EPHB3: variants seen among roughly 807,000 people sequenced by gnomAD.
The protein encoded by EPHB3 is EPH receptor B3.
A neutral mutation model predicts 100.2 loss-of-function variants in EPHB3; 33 were observed. That is an observed-to-expected ratio of 0.33 (90% CI 0.25 to 0.44). The LOEUF is 0.44. Ranked by LOEUF, EPHB3 falls within the 20% of genes least tolerant of loss-of-function variation. The probability of loss-of-function intolerance (pLI) is 1.00; values close to 1 mark genes in which losing one functional copy is unlikely to be tolerated. For synonymous variants in EPHB3, 526 were observed against 554.7 expected, an observed-to-expected ratio of 0.95 and a Z score of 0.73; for missense variants, 1,045 against 1,378.3, an observed-to-expected ratio of 0.76 and a Z score of 3.83.
intron 1 of EPHB3, among the ~76,000 whole-genome samples, chr3:184,564,371 G>A (rs915295975): frequency 3.9e-5 from 6 of 152,202 alleles, no homozygotes; most frequent in African/African-American, 9.7e-5. Flanking sequence ...GAGAATGTGA[G>A]GGAACAAATG....
At position 184,562,280 on chromosome 3, in the gene EPHB3, G is replaced by A. The variant is rs1714274795; in HGVS notation, c.45G>A (p.Gly15=). 3 of 1,217,250 alleles carry A rather than the reference G, an allele frequency of 2.5e-6. No homozygotes were observed. The highest frequency in any genetic ancestry group is 1.6e-5 in the African/African-American group (1 of 62,886). The allele number at this position is 1,217,250 out of a possible 1,614,324, so 75.4% of individuals were successfully genotyped here. Residue 15 remains glycine, a synonymous_variant, in exon 1 of 16, where the codon GGG becomes GGA. Coordinates refer to ENST00000330394, the MANE Select transcript of EPHB3 (RefSeq NM_004443.4). This position sits in a 1 kb window ranked among gnomAD's most constrained non-coding sequence, Gnocchi z 4.8. ...CGCCGCCGCCGTCGCCGCCGCCGGG[G>A]CTTCTGCCGCTGCTCCCTCCGCTGC... ...RPPPPPSPPP[G]LLPLLPPLLL...
rs1290179963 is a variant in EPHB3, at chr3:184,579,863, G to T, written c.2101G>T (p.Val701Phe). The T allele has an allele frequency of 1.9e-6, 3 of 1,613,896 alleles. No homozygotes were observed. In the South Asian group the frequency reaches 3.3e-5, roughly 18 times the overall value. Residue 701 changes from valine to phenylalanine, a missense_variant, in exon 11 of 16, where the codon GTC (valine) becomes TTC (phenylalanine). By Grantham distance (50) the Val-to-Phe change is conservative. Around this residue, in one of 2 missense-constraint regions of EPHB3, gnomAD observed 985 missense variants for 1,331.1 expected, o/e 0.74. Transcript: ENST00000330394. The surrounding 1 kb of genome is among the most constrained non-coding windows in gnomAD (Gnocchi z 5.2). ...CAATATAATCCGGCTCGAGGGCGTGGTCACCAAAAGTCGGCCAGTTATGAT... is the reference window on the plus strand; with the variant it reads ...CAATATAATCCGGCTCGAGGGCGTGTTCACCAAAAGTCGGCCAGTTATGAT... Reference protein sequence around the residue: ...HPNIIRLEGVVTKSRPVMILT... With the variant: ...HPNIIRLEGVFTKSRPVMILT...
rs1005412806 is a variant in EPHB3 at position 184,578,556 on chromosome 3, T to A, written c.1801+90T>A. The A allele has an allele frequency of 5.8e-6, 9 of 1,557,046 alleles. No homozygotes were observed. The Admixed American group carries it at 1.6e-4, about 27-fold the overall frequency. ...TCTCCCTGCCTGGGACTTCATTCCT[T>A]AGAGATAAACCCTGAATGCCCCCTC... On this transcript the variant is annotated intron_variant, in intron 9 of 15. Transcript: ENST00000330394. This position sits in a 1 kb window ranked among gnomAD's most constrained non-coding sequence, Gnocchi z 4.7.
Position 184,565,958 on chromosome 3 carries a change from T to C in EPHB3, c.118+3605T>C, listed in dbSNP as rs1383549584. On this transcript the variant is annotated intron_variant, in intron 1 of 15. Transcript: ENST00000330394. This position sits in a 1 kb window ranked among gnomAD's most constrained non-coding sequence, Gnocchi z 4.8. The stretch of plus-strand genomic sequence containing the variant: ...CATGAAGAGGCTGAATCACCAGGCC[T>C]GCATAGTTTGAAAATTGTAGCCCTG... 2.0e-5 allele frequency among the ~76,000 whole-genome samples: 3 copies of C among 152,192 alleles called. No homozygotes were observed. The highest frequency in any genetic ancestry group is 7.2e-5 in the African/African-American group (3 of 41,442).
intron 1 of EPHB3, among the ~76,000 whole-genome samples, chr3:184,570,306 G>A (rs1204849067): frequency 6.6e-6 from 1 of 152,196 alleles, no homozygotes; most frequent in Non-Finnish European, 1.5e-5. Context: ...CAGTCAGAGT[G>A]CAAGGGATTA....
rs1249495236 is a variant in EPHB3 at position 184,562,384 on chromosome 3, C to T, written c.118+31C>T. 1.7e-6 allele frequency: 2 copies of T among 1,206,676 alleles called. No homozygotes were observed. Among genetic ancestry groups the T allele is most frequent in the Non-Finnish European group, 2.1e-6 (2 of 972,866 alleles). The allele number at this position is 1,206,676 out of a possible 1,614,324, so 74.7% of individuals were successfully genotyped here. On this transcript the variant is annotated intron_variant, in intron 1 of 15. Transcript: ENST00000330394. This position sits in a 1 kb window ranked among gnomAD's most constrained non-coding sequence, Gnocchi z 4.8. ...CGGCGTCGGGGGGCGCGCCCGGGAACAAGGTGCCTGGGGTCGCGGGGCTGC... is the reference window on the plus strand; with the variant it reads ...CGGCGTCGGGGGGCGCGCCCGGGAATAAGGTGCCTGGGGTCGCGGGGCTGC...
Position 184,576,933 on chromosome 3 carries a change from G to A in EPHB3, c.1104G>A (p.Arg368=), listed in dbSNP as rs778841600. 1 of 1,602,882 alleles carries A rather than the reference G, an allele frequency of 6.2e-7. No homozygotes were observed. The highest frequency in any genetic ancestry group is 1.3e-5 in the African/African-American group (1 of 74,862). The change falls in exon 5 of 16, where the codon CGG becomes CGA. Residue 368 remains arginine (R), a synonymous_variant. Coordinates refer to ENST00000330394, the MANE Select transcript of EPHB3 (RefSeq NM_004443.4). ...GTGAGCCCCGGGACCTGGGTGGCCG[G>A]GATGACCTCCTGTACAATGTCATCT... ...EWSEPRDLGG[R]DDLLYNVICK...
rs4072651 is a variant in EPHB3 at position 184,578,133 on chromosome 3, C to T, written c.1748+127C>T. On this transcript the variant is annotated intron_variant, in intron 8 of 15. Transcript: ENST00000330394. This position sits in a 1 kb window ranked among gnomAD's most constrained non-coding sequence, Gnocchi z 4.7. ...ACCCAGGGCCTTAGCCCTCCTGGGG[C>T]CAGCCGTTGCTGGAGAAGCCCTCTC... is the stretch of plus-strand genomic sequence containing the variant. The T allele has an allele frequency of 0.32, 350,075 of 1,082,382 alleles. 59,929 individuals carry two copies. The highest frequency in any genetic ancestry group is 0.52 in the African/African-American group (32,585 of 62,824). The allele number at this position is 1,082,382 out of a possible 1,614,324, so 67.0% of individuals were successfully genotyped here. A position where few individuals can be genotyped will look rare whatever the true frequency, so the allele number is the denominator to read the frequency against.
rs1246639886 is a variant in EPHB3 at position 184,570,508 on chromosome 3, G to A, written c.119-810G>A. Among the ~76,000 whole-genome samples, 3 of 152,324 alleles carry A rather than the reference G, an allele frequency of 2.0e-5. No homozygotes were observed. In the South Asian group the frequency reaches 6.2e-4, roughly 32 times the overall value. The stretch of plus-strand genomic sequence containing the variant: ...AACTAAGAGCTGGTTTGGGGCTTTG[G>A]TGGTCCCCTCTCCACCCTCAAAGCG... On this transcript the variant is annotated intron_variant, in intron 1 of 15. Transcript: ENST00000330394.
Position 184,562,221 on chromosome 3 carries a change from A to C in EPHB3, c.-15A>C. On this transcript the variant is annotated 5_prime_UTR_variant, in exon 1 of 16. Coordinates refer to ENST00000330394, the MANE Select transcript of EPHB3 (RefSeq NM_004443.4). This position sits in a 1 kb window ranked among gnomAD's most constrained non-coding sequence, Gnocchi z 4.8. ...CCCGGCGCGGCCCGGCTCGGCTCCT[A>C]GAGCTGCCACGGCCATGGCCAGAGC... 11 of 766,672 alleles carry C rather than the reference A, an allele frequency of 1.4e-5. No homozygotes were observed. Among genetic ancestry groups the C allele is most frequent in the South Asian group, 5.9e-5 (1 of 17,030 alleles). 47.5% of individuals were successfully genotyped at this position (766,672 alleles called of 1,614,324 possible).
chr3:184,573,294 A>G lies in EPHB3; in HGVS notation c.856+118A>G. ...CTAGGAGGTCTGGGAGCAGGTCCAC[A>G]GTGGAGGCAGGAGAGGGAAGAGTGG... On this transcript the variant is annotated intron_variant, in intron 3 of 15. Coordinates refer to ENST00000330394, the MANE Select transcript of EPHB3 (RefSeq NM_004443.4). The surrounding 1 kb of genome is among the most constrained non-coding windows in gnomAD (Gnocchi z 4.5). 1.5e-6 allele frequency: 2 copies of G among 1,292,930 alleles called. No homozygotes were observed. The highest frequency in any genetic ancestry group is 2.5e-5 in the East Asian group (1 of 40,092). The allele number at this position is 1,292,930 out of a possible 1,614,324, so 80.1% of individuals were successfully genotyped here.
intron 4 of EPHB3, 40 bp from the exon 5 acceptor site, chr3:184,576,802 G>A: frequency 1.3e-6 from 2 of 1,512,072 alleles, no homozygotes; most frequent in Non-Finnish European, 1.8e-6. Context: ...TGGTCCTAGA[G>A]CCCCCAGCTC....
Position 184,577,949 on chromosome 3 carries a change from C to T in EPHB3, c.1691C>T (p.Ala564Val). 2 of 1,614,098 alleles carry T rather than the reference C, an allele frequency of 1.2e-6. No individual in the cohort carries two copies. The highest frequency in any genetic ancestry group is 1.7e-5 in the Admixed American group (1 of 60,016). The change falls in exon 8 of 16, where the codon GCT becomes GTT. Residue 564 changes from alanine (A) to valine (V), a missense_variant. Physicochemically the swap from Ala to Val is moderately conservative, Grantham distance 64 (BLOSUM62 0). Coordinates refer to ENST00000330394, the MANE Select transcript of EPHB3 (RefSeq NM_004443.4). This position sits in a 1 kb window ranked among gnomAD's most constrained non-coding sequence, Gnocchi z 4.9. ...CAGCTTCCCCTCATCGTGGGCTCCG[C>T]TACAGCTGGGCTTGTCTTCGTGGTG... ...QEQLPLIVGS[A>V]TAGLVFVVAV...
chr3:184,578,505 C>T lies in EPHB3; in HGVS notation c.1801+39C>T, dbSNP rs200601028. 5 of 1,613,094 alleles carry T rather than the reference C, an allele frequency of 3.1e-6. No homozygotes were observed. Among genetic ancestry groups the T allele is most frequent in the South Asian group, 1.1e-5 (1 of 91,018 alleles). On this transcript the variant is annotated intron_variant, in intron 9 of 15. Coordinates refer to ENST00000330394, the MANE Select transcript of EPHB3 (RefSeq NM_004443.4). This position sits in a 1 kb window ranked among gnomAD's most constrained non-coding sequence, Gnocchi z 4.7. Reference sequence around the variant, plus strand: ...CGCCGCCCTCCCCAAGCTCTCCCAGCCCCCTGCAGGGCTCTCAGACACCCT... The same window carrying T: ...CGCCGCCCTCCCCAAGCTCTCCCAGTCCCCTGCAGGGCTCTCAGACACCCT...
Position 184,575,961 on chromosome 3 carries a change from G to A in EPHB3, c.988G>A (p.Asp330Asn). ...CHNNFYRADS[D>N]SADSACTTVP... The stretch of plus-strand genomic sequence containing the variant: ...CAATAACTTCTACCGTGCAGACTCG[G>A]ACTCTGCGGACAGTGCCTGTACCAG... The change falls in exon 4 of 16, where the codon GAC (aspartate) becomes AAC (asparagine). Residue 330 changes from aspartate to asparagine, a missense_variant. This residue lies in a region of EPHB3 where 985 missense variants were observed against 1,331.1 expected (regional missense o/e 0.74). Transcript: ENST00000330394. The A allele has an allele frequency of 6.2e-7, 1 of 1,613,342 alleles. No individual in the cohort carries two copies.
In EPHB3 at chr3:184,580,407, C is replaced by G. The variant is rs367573706; in HGVS notation, c.2178C>G (p.Asn726Lys). The G allele has an allele frequency of 6.2e-7, 1 of 1,614,056 alleles. No individual in the cohort carries two copies. Among genetic ancestry groups the G allele is most frequent in the Non-Finnish European group, 8.5e-7 (1 of 1,180,022 alleles). ...NCALDSFLRL[N>K]DGQFTVIQLV... ...AGCCTGCTTGTTGCCTGCAGCTCAA[C>G]GATGGGCAGTTCACGGTCATCCAGC... Residue 726 changes from asparagine (N) to lysine (K), a missense_variant, in exon 12 of 16, where the codon AAC (asparagine) becomes AAG (lysine). By Grantham distance (94) the Asn-to-Lys change is moderately conservative. Coordinates refer to ENST00000330394, the MANE Select transcript of EPHB3 (RefSeq NM_004443.4).
Position 184,580,435 on chromosome 3 carries a change from G to C in EPHB3, c.2206G>C (p.Val736Leu). 1.2e-6 allele frequency: 2 copies of C among 1,614,214 alleles called. No homozygotes were observed. The highest frequency in any genetic ancestry group is 8.5e-7 in the Non-Finnish European group (1 of 1,180,028). Reference protein sequence around the residue: ...NDGQFTVIQLVGMLRGIAAGM... With the variant: ...NDGQFTVIQLLGMLRGIAAGM... ...TGGGCAGTTCACGGTCATCCAGCTGGTGGGCATGTTGCGGGGCATTGCTGC... is the reference window on the plus strand; with the variant it reads ...TGGGCAGTTCACGGTCATCCAGCTGCTGGGCATGTTGCGGGGCATTGCTGC... Residue 736 changes from valine to leucine, a missense_variant, in exon 12 of 16, where the codon GTG (valine) becomes CTG (leucine). This residue lies in a region of EPHB3 where 985 missense variants were observed against 1,331.1 expected (regional missense o/e 0.74). Transcript: ENST00000330394.
chr3:184,568,206 T>C (rs1714444117), intron 1 of EPHB3, among the ~76,000 whole-genome samples: 1 of 152,106 alleles, frequency 6.6e-6, no homozygotes. Flanking sequence ...GAAAGAGGTA[T>C]TGCTTAGCTC....
chr3:184,582,265 TGTGTGTGTGTGTGCGC>T lies in EPHB3; in HGVS notation c.*645_*660del, dbSNP rs1420454974. On this transcript the variant is annotated 3_prime_UTR_variant, in exon 16 of 16. Coordinates refer to ENST00000330394, the MANE Select transcript of EPHB3 (RefSeq NM_004443.4). ...GATGGGATGTGTGAGTGTGTGTGTG[TGTGTGTGTGTGTGCGC>T]GCGCGCGCGCGTGTGTGTGTGCACG... is the stretch of plus-strand genomic sequence containing the variant. The T allele has an allele frequency of 6.3e-5, 8 of 127,038 alleles. No homozygotes were observed. Among genetic ancestry groups the T allele is most frequent in the African/African-American group, 2.2e-4 (6 of 27,588 alleles). 7.9% of individuals were successfully genotyped at this position (127,038 alleles called of 1,614,324 possible).
Sources: allele counts gnomAD v4.1 joint callset (sites outside exome capture counted in the v4.1 genomes callset), GRCh38; gene constraint gnomAD v4.1.1; regional missense constraint gnomAD v4.1.1; non-coding constraint Gnocchi (gnomAD v3.1); transcripts MANE v1.5; gene names NCBI Gene and HGNC (gene_info 2026-07-23, HGNC 2026-07-21).